WDR73: variants seen among roughly 807,000 people sequenced by gnomAD.
WDR73 encodes integrator complex assembly factor WDR73.
In WDR73, 30 loss-of-function variants were observed where a neutral mutation model predicts 38.2. The ratio of observed to expected loss-of-function variants is 0.79; its 90% confidence interval spans 0.59 to 1.06. WDR73 has a LOEUF of 1.06. Among genes scored for constraint, WDR73 ranks in the 50% least tolerant of loss-of-function variants. The pLI is 0.00. For missense variants in WDR73, 487 were observed against 467.0 expected, an observed-to-expected ratio of 1.04 and a Z score of -0.40; for synonymous variants, 197 against 176.0, an observed-to-expected ratio of 1.12 and a Z score of -0.94.
At position 84,643,287 on chromosome 15, in the gene WDR73, G is replaced by A. The variant is rs1896323688; in HGVS notation, c.*183C>T. The A allele has an allele frequency of 6.0e-6, 4 of 670,954 alleles. 1 individual carries two copies. Among genetic ancestry groups the A allele is most frequent in the South Asian group, 3.9e-5 (2 of 51,260 alleles). The allele number at this position is 670,954 out of a possible 1,614,324, so 41.6% of individuals were successfully genotyped here. On this transcript the variant is annotated 3_prime_UTR_variant, in exon 8 of 8. Transcript: ENST00000434634. ...CTTCTAACCTTCGCAATATCACTACGAGGTAGTTCTTACTATCCTCATTTT... is the reference window on the plus strand; with the variant it reads ...CTTCTAACCTTCGCAATATCACTACAAGGTAGTTCTTACTATCCTCATTTT...
rs369821334 is a variant in WDR73, at chr15:84,646,195, G to A, written c.506C>T (p.Thr169Met). The change falls in exon 6 of 8, where the codon ACG becomes ATG. Residue 169 changes from threonine to methionine, a missense_variant. Coordinates refer to ENST00000434634, the MANE Select transcript of WDR73 (RefSeq NM_032856.5). ...AAGTACCACGGTACCTGAGGTGTAC[G>A]TGGTCTTCCGGGACTCCAGATCAAC... is the stretch of plus-strand genomic sequence containing the variant. ...QVVDLESRKT[T>M]YTSDVSDSEE... 2.2e-5 allele frequency: 36 copies of A among 1,613,588 alleles called. No individual in the cohort carries two copies. Among genetic ancestry groups the A allele is most frequent in the African/African-American group, 1.5e-4 (11 of 74,898 alleles).
Position 84,645,486 on chromosome 15 carries a change from A to C in WDR73, c.868T>G (p.Cys290Gly). The C allele has an allele frequency of 6.2e-7, 1 of 1,612,276 alleles. No homozygotes were observed. Among genetic ancestry groups the C allele is most frequent in the Non-Finnish European group, 8.5e-7 (1 of 1,178,964 alleles). The change falls in exon 7 of 8, where the codon TGC becomes GGC. Residue 290 changes from cysteine (C) to glycine (G), a missense_variant. Transcript: ENST00000434634. ...RVTWAPGLKN[C>G]LAISGFDGTV... Reference sequence around the variant, plus strand: ...TCGGCAGTACCTGAGATGGCCAAGCAATTCTTCAGGCCTGGGGCCCAAGTC... The same window carrying C: ...TCGGCAGTACCTGAGATGGCCAAGCCATTCTTCAGGCCTGGGGCCCAAGTC...
At chr15:84,645,433 G>C in intron 7 of WDR73, 38 bp downstream of exon 7, 1 of 1,607,666 alleles carries the variant, frequency 6.2e-7, no homozygotes, top group Non-Finnish European at 8.5e-7. Context: ...CTGGAAGAAA[G>C]AGATCAGATA....
rs1896421376 is a variant in WDR73, at chr15:84,645,552, G to C, written c.802C>G (p.Pro268Ala). 1 of 1,611,914 alleles carries C rather than the reference G, an allele frequency of 6.2e-7. No individual in the cohort carries two copies. Among genetic ancestry groups the C allele is most frequent in the Non-Finnish European group, 8.5e-7 (1 of 1,178,974 alleles). The change falls in exon 7 of 8, where the codon CCA (proline) becomes GCA (alanine). Residue 268 changes from proline (P) to alanine (A), a missense_variant. Physicochemically the swap from Pro to Ala is conservative, Grantham distance 27 (BLOSUM62 -1). Coordinates refer to ENST00000434634, the MANE Select transcript of WDR73 (RefSeq NM_032856.5). ...GGGTCAGGGCTAGGTACGGATACTG[G>C]GCACTGGACTGAGCTCACAGGATGG... ...LCHPVSSVQC[P>A]VSVPSPDPEL...
At position 84,652,714 on chromosome 15, in the gene WDR73, C is replaced by A; in HGVS notation, c.198G>T (p.Lys66Asn). 6.8e-7 allele frequency: 1 copy of A among 1,480,920 alleles called. No homozygotes were observed. Among genetic ancestry groups the A allele is most frequent in the Non-Finnish European group, 9.1e-7 (1 of 1,103,912 alleles). The allele number at this position is 1,480,920 out of a possible 1,614,324, so 91.7% of individuals were successfully genotyped here. The part of the protein sequence containing the change: ...LPLRLSVKEN[K>N]GLFPERDFKV... ...ACTCAGCATTTATATTTTAAGTTACCTTGTTTTCCTTTACAGAAAGTCTGA... is the reference window on the plus strand; with the variant it reads ...ACTCAGCATTTATATTTTAAGTTACATTGTTTTCCTTTACAGAAAGTCTGA... Residue 66 changes from lysine to asparagine, a missense_variant and splice_region_variant, in exon 3 of 8, where the codon AAG (lysine) becomes AAT (asparagine). By Grantham distance (94) the Lys-to-Asn change is moderately conservative (BLOSUM62 0). Coordinates refer to ENST00000434634, the MANE Select transcript of WDR73 (RefSeq NM_032856.5).
In WDR73 at chr15:84,647,952, A is replaced by C. The variant is rs1365578521; in HGVS notation, c.290T>G (p.Leu97Trp). 6.2e-7 allele frequency: 1 copy of C among 1,613,880 alleles called. No homozygotes were observed. Among genetic ancestry groups the C allele is most frequent in the African/African-American group, 1.3e-5 (1 of 74,918 alleles). ...FDLKHVPHTR[L>W]LVTSGLPGCY... ...ACCTGGAAGGCCACTGGTAACCAGC[A>C]ATCTATTCAGAAAAGACAAAATCAG... Residue 97 changes from leucine to tryptophan, a missense_variant and splice_region_variant, in exon 5 of 8, where the codon TTG becomes TGG. Transcript: ENST00000434634.
Position 84,645,814 on chromosome 15 carries a change from C to T in WDR73, c.540G>A (p.Leu180=), listed in dbSNP as rs1236260610. 4.3e-6 allele frequency: 7 copies of T among 1,613,814 alleles called. No individual in the cohort carries two copies. Among genetic ancestry groups the T allele is most frequent in the Non-Finnish European group, 5.9e-6 (7 of 1,179,840 alleles). The change falls in exon 7 of 8, where the codon CTG becomes CTA. Residue 180 remains leucine (L), a synonymous_variant. Transcript: ENST00000434634. The stretch of plus-strand genomic sequence containing the variant: ...CTGCATCTAGGACCTGCAGGCTACT[C>T]AGCTCCTCACTGTCACTGACATCTG... The part of the protein sequence containing the change: ...YTSDVSDSEE[L]SSLQVLDADT...
chr15:84,646,613 A>G, intron 5 of WDR73: 1 of 362,230 alleles, frequency 2.8e-6, no homozygotes, highest in Non-Finnish European at 4.9e-6. Context: ...CCAAAAAGCA[A>G]TTCTGGCTTT....
intron 3 of WDR73, among the ~76,000 whole-genome samples, chr15:84,651,975 C>A (rs1896637921): frequency 6.6e-6 from 1 of 152,196 alleles, no homozygotes; most frequent in East Asian, 1.9e-4. Flanking sequence ...TCAAGCAATT[C>A]TCCTGCCTCA....
In WDR73 at chr15:84,641,068, C is replaced by T. The variant is rs1199952077; in HGVS notation, c.*2402G>A. ...ACTAGACCTTCTTGAGAGGCACTAT[C>T]ATTCTCATTTCACCTGTCACTTCCA... On this transcript the variant is annotated 3_prime_UTR_variant, in exon 8 of 8. Coordinates refer to ENST00000434634, the MANE Select transcript of WDR73 (RefSeq NM_032856.5). The T allele has an allele frequency of 6.6e-6, 1 of 150,822 alleles. No homozygotes were observed. Among genetic ancestry groups the T allele is most frequent in the Non-Finnish European group, 1.5e-5 (1 of 68,058 alleles). The allele number at this position is 150,822 out of a possible 1,614,324, so 9.3% of individuals were successfully genotyped here. A position where few individuals can be genotyped will look rare whatever the true frequency, so the allele number is the denominator to read the frequency against.
At position 84,643,410 on chromosome 15, in the gene WDR73, A is replaced by AC; in HGVS notation, c.*59dup. 1.3e-6 allele frequency: 2 copies of AC among 1,530,282 alleles called. No homozygotes were observed. Among genetic ancestry groups the AC allele is most frequent in the South Asian group, 2.5e-5 (2 of 80,546 alleles). The allele number at this position is 1,530,282 out of a possible 1,614,324, so 94.8% of individuals were successfully genotyped here. A position where few individuals can be genotyped will look rare whatever the true frequency, so the allele number is the denominator to read the frequency against. On this transcript the variant is annotated 3_prime_UTR_variant, in exon 8 of 8. Transcript: ENST00000434634. Reference sequence around the variant, plus strand: ...GTAGTCACTTGAGTCCTACATGAGCACCCTTGCTACTACAGCAGCTCCTCC... The same window carrying AC: ...GTAGTCACTTGAGTCCTACATGAGCACCCCTTGCTACTACAGCAGCTCCTCC...
At chr15:84,654,030 A>G in intron 1 of WDR73, 1 of 669,462 alleles carries the variant, frequency 1.5e-6, no homozygotes, top group Non-Finnish European at 2.5e-6. Context: ...TCTTACTAGT[A>G]ATCTCACAAC....
Position 84,653,829 on chromosome 15 carries a change from C to T in WDR73, c.42-130G>A, listed in dbSNP as rs1896703100. ...CAGACGTGGGACTGAGTTTACTTCC[C>T]ATTTTACTCCCTGTTTCTGGGACCA... On this transcript the variant is annotated intron_variant, in intron 1 of 7. Transcript: ENST00000434634. 4 of 737,660 alleles carry T rather than the reference C, an allele frequency of 5.4e-6. No homozygotes were observed. In the Admixed American group the frequency reaches 8.4e-5, roughly 15 times the overall value. The allele number at this position is 737,660 out of a possible 1,614,324, so 45.7% of individuals were successfully genotyped here. A position where few individuals can be genotyped will look rare whatever the true frequency, so the allele number is the denominator to read the frequency against.
intron 4 of WDR73, 162 bp from the exon 5 acceptor site, chr15:84,648,116 G>A (rs531251918): frequency 6.2e-4 from 417 of 676,984 alleles, no homozygotes; most frequent in Non-Finnish European, 1.0e-3. Context: ...ATAAGGAGCA[G>A]GCTCAATCAA....
intron 7 of WDR73, chr15:84,644,753 T>A (rs1174313079): frequency 6.6e-6 from 1 of 151,292 alleles, no homozygotes; most frequent in African/African-American, 2.4e-5. Context: ...TAATTTTTTT[T>A]ATTTTCATAG....
At position 84,643,281 on chromosome 15, in the gene WDR73, C is replaced by T; in HGVS notation, c.*189G>A. The T allele has an allele frequency of 1.5e-6, 1 of 648,190 alleles. No individual in the cohort carries two copies. The highest frequency in any genetic ancestry group is 2.6e-6 in the Non-Finnish European group (1 of 384,726). The allele number at this position is 648,190 out of a possible 1,614,324, so 40.2% of individuals were successfully genotyped here. ...GCGTTTCTTCTAACCTTCGCAATAT[C>T]ACTACGAGGTAGTTCTTACTATCCT... On this transcript the variant is annotated 3_prime_UTR_variant, in exon 8 of 8. Coordinates refer to ENST00000434634, the MANE Select transcript of WDR73 (RefSeq NM_032856.5).
At chr15:84,648,323 C>G (rs114502527) in intron 4 of WDR73, 1 of 589,448 alleles carries the variant, frequency 1.7e-6, no homozygotes. Context: ...CTGTTACTTA[C>G]ATTAGTCCAA....
Position 84,652,724 on chromosome 15 carries a change from T to C in WDR73, c.188A>G (p.Lys63Arg). The C allele has an allele frequency of 1.3e-6, 2 of 1,512,178 alleles. No individual in the cohort carries two copies. The highest frequency in any genetic ancestry group is 1.8e-6 in the Non-Finnish European group (2 of 1,125,950). The allele number at this position is 1,512,178 out of a possible 1,614,324, so 93.7% of individuals were successfully genotyped here. A position where few individuals can be genotyped will look rare whatever the true frequency, so the allele number is the denominator to read the frequency against. ...TATATTTTAAGTTACCTTGTTTTCC[T>C]TTACAGAAAGTCTGAGAGGTAATTT... is the stretch of plus-strand genomic sequence containing the variant. ...HLKLPLRLSV[K>R]ENKGLFPERD... is the part of the protein sequence containing the mutation. The change falls in exon 3 of 8, where the codon AAG becomes AGG. Residue 63 changes from lysine (K) to arginine (R), a missense_variant. Transcript: ENST00000434634.
chr15:84,645,084 G>C (rs1354710451), intron 7 of WDR73: 1 of 562,224 alleles, frequency 1.8e-6, no homozygotes, highest in Admixed American at 4.4e-5. Context: ...CTAAGTAGCT[G>C]GGACTACAGG....
Sources: gnomAD v4.1 joint callset for allele counts (sites outside exome capture counted in the v4.1 genomes callset) on GRCh38, gnomAD v4.1.1 for gene constraint, MANE v1.5 for transcripts, NCBI Gene and HGNC (gene_info 2026-07-23, HGNC 2026-07-21) for gene names.